Variants in CBLB observed in about 807,000 individuals in gnomAD.
CBLB encodes Cbl proto-oncogene B.
Under a neutral mutation model 104.9 loss-of-function variants are expected in CBLB, and 31 were observed. The observed-to-expected ratio is 0.30, with a 90% CI of 0.22 to 0.40. CBLB has a LOEUF of 0.40. Ranked by LOEUF, CBLB falls within the 10% of genes least tolerant of loss-of-function variation. The pLI is 1.00. For synonymous variants in CBLB, 440 were observed against 422.6 expected (o/e 1.04, Z -0.51); for missense variants, 1,062 against 1,214.6 (o/e 0.87, Z 1.87).
intron 12 of CBLB, among the ~76,000 whole-genome samples, chr3:105,695,275 T>A (rs1365393514): frequency 1.3e-5 from 2 of 151,856 alleles, no homozygotes; most frequent in Non-Finnish European, 3.0e-5. Context: ...AATAATAGTT[T>A]CAGCTGTATT....
At chr3:105,730,376 T>C (rs987780101) in intron 9 of CBLB, among the ~76,000 whole-genome samples, 2 of 152,114 alleles carry the variant, frequency 1.3e-5, no homozygotes. Flanking sequence ...GAAAAGATCA[T>C]AAATAATTCT....
chr3:105,806,056 A>G (rs1195984849), intron 3 of CBLB, among the ~76,000 whole-genome samples: 1 of 152,174 alleles, frequency 6.6e-6, no homozygotes, highest in Admixed American at 6.5e-5. Context: ...ACAGAAGAAA[A>G]GTTTGCTAAA....
chr3:105,868,623 G>T, intron 1 of CBLB, 113 bp downstream of exon 1: 1 of 683,830 alleles, frequency 1.5e-6, no homozygotes, highest in Non-Finnish European at 1.8e-6. Flanking sequence ...GGCGGCAAAG[G>T]CAGCTGAGAG....
chr3:105,751,106 C>A (rs1287047197), intron 5 of CBLB, among the ~76,000 whole-genome samples: 2 of 152,020 alleles, frequency 1.3e-5, no homozygotes, highest in Non-Finnish European at 2.9e-5. Flanking sequence ...GGCAAATGCC[C>A]ACCTCCAGTT....
At position 105,658,705 on chromosome 3, in the gene CBLB, G is replaced by T. The variant is rs2063504604; in HGVS notation, c.*265C>A. 2 of 518,052 alleles carry T rather than the reference G, an allele frequency of 3.9e-6. No homozygotes were observed. Among genetic ancestry groups the T allele is most frequent in the Non-Finnish European group, 6.9e-6 (2 of 289,328 alleles). 32.1% of individuals were successfully genotyped at this position (518,052 alleles called of 1,614,324 possible). A position where few individuals can be genotyped will look rare whatever the true frequency, so the allele number is the denominator to read the frequency against. ...AGGTAAAGCATTTCACAGGTTCAAA[G>T]TTCAAGGGAAGTAAACGTCTTTAAA... is the stretch of plus-strand genomic sequence containing the variant. On this transcript the variant is annotated 3_prime_UTR_variant, in exon 19 of 19. Transcript: ENST00000394030.
chr3:105,847,007 C>T (rs1298011196), intron 3 of CBLB, among the ~76,000 whole-genome samples: 2 of 152,018 alleles, frequency 1.3e-5, no homozygotes, highest in African/African-American at 4.8e-5. Context: ...TGATGTCATA[C>T]AGTAACATAA....
At chr3:105,732,447 G>C (rs2074416561) in intron 9 of CBLB, among the ~76,000 whole-genome samples, 1 of 152,224 alleles carries the variant, frequency 6.6e-6, no homozygotes, top group African/African-American at 2.4e-5. Context: ...AAATAAGGGA[G>C]AGGATATAAA....
Position 105,778,560 on chromosome 3 carries a change from T to TA in CBLB, c.420-2019dup, listed in dbSNP as rs897214893. The stretch of plus-strand genomic sequence containing the variant: ...TAAATTCATCTTCCTTAAAAAAGTT[T>TA]AAAAAAAAACAGTCACCTATTTCCA... On this transcript the variant is annotated intron_variant, in intron 3 of 18. Transcript: ENST00000394030. Among the ~76,000 whole-genome samples the TA allele has an allele frequency of 5.8e-3, 879 of 151,266 alleles. 5 individuals carry two copies. The highest frequency in any genetic ancestry group is 0.021 in the African/African-American group (850 of 41,250).
chr3:105,867,412 CT>C lies in CBLB; in HGVS notation c.165del (p.Val56TrpfsTer2). ...TVEKTWKLMD[K>X]VVRLCQNPKL... The stretch of plus-strand genomic sequence containing the variant: ...AGGCAACGTCAGACAGAACTTACCA[CT>C]TTGTCCATGAGCTTCCAAGTCTTCT... On this transcript the variant is annotated frameshift_variant, in exon 2 of 19. Transcript: ENST00000394030. LOFTEE classifies it high-confidence loss of function. 6.2e-7 allele frequency: 1 copy of C among 1,614,188 alleles called. No homozygotes were observed.
chr3:105,834,644 A>G (rs1034450648), intron 3 of CBLB, among the ~76,000 whole-genome samples: 1 of 131,560 alleles, frequency 7.6e-6, no homozygotes, highest in East Asian at 2.3e-4. Context: ...CGACAGAGCA[A>G]AACTCCATCT....
intron 10 of CBLB, among the ~76,000 whole-genome samples, chr3:105,716,008 C>T (rs2071805876): frequency 6.6e-6 from 1 of 152,106 alleles, no homozygotes; most frequent in Admixed American, 6.5e-5. Context: ...CACTGCAGTC[C>T]AGCCTGGGCA....
chr3:105,706,450 G>C (rs1329104632), intron 10 of CBLB, among the ~76,000 whole-genome samples: 1 of 152,130 alleles, frequency 6.6e-6, no homozygotes, highest in African/African-American at 2.4e-5. Context: ...TACAGCCAGT[G>C]ATTCTTAACA....
At chr3:105,867,041 G>C (rs544918297) in intron 2 of CBLB, among the ~76,000 whole-genome samples, 1 of 152,264 alleles carries the variant, frequency 6.6e-6, no homozygotes, top group East Asian at 1.9e-4. Context: ...AGTGGTCAAA[G>C]ACTTAAATAA....
intron 3 of CBLB, among the ~76,000 whole-genome samples, chr3:105,806,015 T>G (rs1044691038): frequency 6.6e-6 from 1 of 151,704 alleles, no homozygotes; most frequent in African/African-American, 2.4e-5. Context: ...ACAGTGCCTA[T>G]TCCTCCCATG....
At chr3:105,864,616 ACT>A (rs1267254680) in intron 2 of CBLB, among the ~76,000 whole-genome samples, 1 of 152,126 alleles carries the variant, frequency 6.6e-6, no homozygotes, top group Non-Finnish European at 1.5e-5. Context: ...GACTATGCTA[ACT>A]CTGTGCTACT....
chr3:105,696,001 C>T lies in CBLB; in HGVS notation c.1960-2413G>A, dbSNP rs372272029. Among the ~76,000 whole-genome samples, 3 of 151,552 alleles carry T rather than the reference C, an allele frequency of 2.0e-5. No individual in the cohort carries two copies. The East Asian group carries it at 5.8e-4, about 29-fold the overall frequency. ...TTTAGCTGAAAGAAATTCATTATTA[C>T]TGAAATACTCTCAGCAAATATGTGT... On this transcript the variant is annotated intron_variant, in intron 12 of 18. Transcript: ENST00000394030.
chr3:105,786,060 T>TCG lies in CBLB; in HGVS notation c.420-9520_420-9519dup, dbSNP rs1294393309. Among the ~76,000 whole-genome samples, 2 of 3,146 alleles carry TCG rather than the reference T, an allele frequency of 6.4e-4. 1 individual carries two copies. Among genetic ancestry groups the TCG allele is most frequent in the East Asian group, 0.017 (2 of 120 alleles). The allele number at this position is 3,146 out of a possible 152,430, so 2.1% of individuals were successfully genotyped here. A position where few individuals can be genotyped will look rare whatever the true frequency, so the allele number is the denominator to read the frequency against. On this transcript the variant is annotated intron_variant, in intron 3 of 18. Transcript: ENST00000394030. The stretch of plus-strand genomic sequence containing the variant: ...TCACACATAACACTGTGTGAGAGGA[T>TCG]CGGGGGGGGGAAAGTGGGTAAAATG...
chr3:105,726,632 C>G lies in CBLB; in HGVS notation c.1204-6382G>C, dbSNP rs939686852. Among the ~76,000 whole-genome samples, 36 of 151,920 alleles carry G rather than the reference C, an allele frequency of 2.4e-4. No individual in the cohort carries two copies. The Middle Eastern group carries it at 0.01, about 43-fold the overall frequency. ...GGTTTGTTACACAGGTATACACATG[C>G]CATGGTGGTTAGCTGCACCTATCAA... On this transcript the variant is annotated intron_variant, in intron 9 of 18. Transcript: ENST00000394030.
intron 10 of CBLB, among the ~76,000 whole-genome samples, chr3:105,708,914 A>G (rs573801924): frequency 6.6e-6 from 1 of 152,082 alleles, no homozygotes; most frequent in East Asian, 1.9e-4. Context: ...ACAGAATGTA[A>G]TCTATTATAT....
Sources: gnomAD v4.1 joint callset for allele counts (sites outside exome capture counted in the v4.1 genomes callset) on GRCh38, gnomAD v4.1.1 for gene constraint, MANE v1.5 for transcripts, NCBI Gene and HGNC (gene_info 2026-07-23, HGNC 2026-07-21) for gene names.